Variants in MARCHF3 observed in about 807,000 individuals in gnomAD.
The protein encoded by MARCHF3 is E3 ubiquitin-protein ligase MARCHF3.
In MARCHF3, 13 loss-of-function variants were observed where a neutral mutation model predicts 24.2. The observed-to-expected ratio is 0.54, with a 90% confidence interval of 0.35 to 0.85. MARCHF3 has a LOEUF of 0.85. Among genes scored for constraint, MARCHF3 ranks in the 40% least tolerant of loss-of-function variants. The pLI, the probability that MARCHF3 is intolerant of heterozygous loss-of-function variation, is 0.01. For synonymous variants in MARCHF3, 144 were observed against 137.3 expected (o/e 1.05, Z -0.34); for missense variants, 276 against 325.0 (o/e 0.85, Z 1.16).
chr5:126,921,165 T>C (rs920255786), intron 1 of MARCHF3, among the ~76,000 whole-genome samples: 14 of 151,990 alleles, frequency 9.2e-5, no homozygotes, highest in African/African-American at 3.4e-4. Flanking sequence ...AGAATAACCT[T>C]AAGATTCTAA....
chr5:126,960,835 T>C (rs928457930), intron 1 of MARCHF3, among the ~76,000 whole-genome samples: 1 of 152,162 alleles, frequency 6.6e-6, no homozygotes, highest in Non-Finnish European at 1.5e-5. Flanking sequence ...TTGTTTCCAC[T>C]GGCTTATTTC....
chr5:126,997,144 C>A (rs73786288), intron 1 of MARCHF3, among the ~76,000 whole-genome samples: 7,845 of 152,106 alleles, frequency 0.052, 375 homozygotes, highest in South Asian at 0.14. Flanking sequence ...ATAAAAGGAC[C>A]AATAGATACC....
chr5:126,908,575 C>G (rs1251555136), intron 3 of MARCHF3, among the ~76,000 whole-genome samples: 1 of 152,142 alleles, frequency 6.6e-6, no homozygotes, highest in Non-Finnish European at 1.5e-5. Flanking sequence ...TTCATTTCAT[C>G]TTCCATCAAT....
chr5:126,893,167 G>A (rs1303490436), intron 3 of MARCHF3, among the ~76,000 whole-genome samples: 3 of 151,864 alleles, frequency 2.0e-5, no homozygotes, highest in East Asian at 1.9e-4. Context: ...GCATCTATTC[G>A]ATTCTTCTCT....
chr5:126,994,888 G>T (rs1751895907), intron 1 of MARCHF3, among the ~76,000 whole-genome samples: 1 of 152,210 alleles, frequency 6.6e-6, no homozygotes, highest in African/African-American at 2.4e-5. Context: ...CTGCTGGTTT[G>T]ACTCCAAGAG....
chr5:126,918,298 ACAT>A (rs1748978255), intron 1 of MARCHF3, 71 bp from the exon 2 acceptor site: 1 of 889,598 alleles, frequency 1.1e-6, no homozygotes, highest in Non-Finnish European at 1.7e-6. Context: ...TGGGCCACCA[ACAT>A]CATCATCATG....
intron 3 of MARCHF3, chr5:126,914,535 C>A: frequency 3.6e-6 from 1 of 276,112 alleles, no homozygotes; most frequent in East Asian, 6.7e-5. Flanking sequence ...TCAGGATATG[C>A]AACCCAAATG....
At chr5:126,908,135 G>A (rs924455454) in intron 3 of MARCHF3, among the ~76,000 whole-genome samples, 12 of 152,166 alleles carry the variant, frequency 7.9e-5, no homozygotes, top group Non-Finnish European at 1.3e-4. Context: ...CTTTAAGAAT[G>A]TTGAATATTG....
chr5:126,884,944 A>G (rs1206012358), intron 3 of MARCHF3, among the ~76,000 whole-genome samples: 2 of 152,210 alleles, frequency 1.3e-5, no homozygotes, highest in Non-Finnish European at 2.9e-5. Flanking sequence ...ACCTGGTACT[A>G]TAAGCCCTGA....
At chr5:127,022,633 C>T (rs115947882) in intron 1 of MARCHF3, among the ~76,000 whole-genome samples, 2 of 152,310 alleles carry the variant, frequency 1.3e-5, no homozygotes, top group African/African-American at 4.8e-5. Flanking sequence ...TCATCTGGAA[C>T]GTCCCTTGAG....
chr5:126,923,182 A>T (rs573741604), intron 1 of MARCHF3, among the ~76,000 whole-genome samples: 2 of 152,250 alleles, frequency 1.3e-5, no homozygotes, highest in Non-Finnish European at 2.9e-5. Flanking sequence ...AAACAAAGAT[A>T]TATGAGGAAA....
intron 1 of MARCHF3, among the ~76,000 whole-genome samples, chr5:126,925,671 C>A (rs1206675137): frequency 6.6e-6 from 1 of 152,316 alleles, no homozygotes; most frequent in East Asian, 1.9e-4. Context: ...CTGGCTCCTA[C>A]ACACGGAGCC....
chr5:127,020,177 T>C (rs1430138554), intron 1 of MARCHF3, among the ~76,000 whole-genome samples: 1 of 152,268 alleles, frequency 6.6e-6, no homozygotes, highest in African/African-American at 2.4e-5. Context: ...AAACAAAGCA[T>C]ACTTTTCATT....
chr5:127,012,689 A>C (rs141761464), intron 1 of MARCHF3, among the ~76,000 whole-genome samples: 323 of 152,342 alleles, frequency 2.1e-3, no homozygotes, highest in African/African-American at 7.4e-3. Flanking sequence ...TAAGATTGCA[A>C]ATACCTAGCA....
chr5:126,879,266 C>T (rs563304112), intron 3 of MARCHF3, among the ~76,000 whole-genome samples: 1 of 152,320 alleles, frequency 6.6e-6, no homozygotes, highest in South Asian at 2.1e-4. Flanking sequence ...TAATCTGTAT[C>T]CCTTTGCTGT....
At chr5:126,879,319 G>A (rs992246193) in intron 3 of MARCHF3, among the ~76,000 whole-genome samples, 11 of 152,048 alleles carry the variant, frequency 7.2e-5, no homozygotes, top group Admixed American at 5.2e-4. Context: ...TCTGAGTCCC[G>A]TGAGTACTTT....
intron 1 of MARCHF3, among the ~76,000 whole-genome samples, chr5:126,961,598 A>G (rs1222961913): frequency 2.0e-5 from 3 of 152,188 alleles, no homozygotes; most frequent in Non-Finnish European, 4.4e-5. Flanking sequence ...CAGAATTTGG[A>G]AAAGAACAAA....
intron 3 of MARCHF3, among the ~76,000 whole-genome samples, chr5:126,886,506 T>C (rs559799614): frequency 6.6e-6 from 1 of 152,328 alleles, no homozygotes; most frequent in Non-Finnish European, 1.5e-5. Context: ...AATGGGAGTC[T>C]ACCTCAACAG....
At chr5:126,960,515 G>A (rs2126822022) in intron 1 of MARCHF3, among the ~76,000 whole-genome samples, 1 of 151,610 alleles carries the variant, frequency 6.6e-6, no homozygotes, top group East Asian at 1.9e-4. Flanking sequence ...CCTGTTTAAT[G>A]CAAACCCTAA....
Sources: allele counts gnomAD v4.1 joint callset (sites outside exome capture counted in the v4.1 genomes callset), GRCh38; gene constraint gnomAD v4.1.1; transcripts MANE v1.5; gene names NCBI Gene and HGNC (gene_info 2026-07-23, HGNC 2026-07-21).